Variants in SPEN observed in about 807,000 individuals in gnomAD.
SPEN encodes spen family transcriptional repressor, also known as msx2-interacting protein.
SPEN carries 18 observed loss-of-function variants against 269.9 expected under a neutral mutation model. That is an observed-to-expected ratio of 0.07 (90% CI 0.05 to 0.10). SPEN has a LOEUF of 0.10. Ranked by LOEUF, SPEN falls within the 10% of genes least tolerant of loss-of-function variation. The pLI, the probability that SPEN is intolerant of heterozygous loss-of-function variation, is 1.00. For synonymous variants in SPEN, 1,726 were observed against 1,765.7 expected, an observed-to-expected ratio of 0.98 and a Z score of 0.56; for missense variants, 3,822 against 4,631.2, an observed-to-expected ratio of 0.83 and a Z score of 5.07.
In SPEN at chr1:15,855,601, T is replaced by C. The variant is rs2070378580; in HGVS notation, c.83+7451T>C. ...GCAGCTGGGTGCGGTGGCTCATGCC[T>C]GTAATCCCAGCACTTTGGGAGGCTG... On this transcript the variant is annotated intron_variant, in intron 1 of 14. Coordinates refer to ENST00000375759, the MANE Select transcript of SPEN (RefSeq NM_015001.3). 2.0e-5 allele frequency among the ~76,000 whole-genome samples: 3 copies of C among 152,180 alleles called. No homozygotes were observed. The East Asian group carries it at 5.8e-4, about 29-fold the overall frequency.
rs1269904215 is a variant in SPEN, at chr1:15,931,158, C to T, written c.4918C>T (p.Pro1640Ser). The change falls in exon 11 of 15, where the codon CCA becomes TCA. Residue 1640 changes from proline to serine, a missense_variant. Coordinates refer to ENST00000375759, the MANE Select transcript of SPEN (RefSeq NM_015001.3). The surrounding 1 kb of genome is among the most constrained non-coding windows in gnomAD (Gnocchi z 4.8). ...ELKTPPSVGP[P>S]SVTVVTLESA... ...GAAAACTCCACCTTCCGTTGGGCCT[C>T]CAAGTGTCACAGTCGTAACTCTAGA... 2 of 1,614,212 alleles carry T rather than the reference C, an allele frequency of 1.2e-6. No individual in the cohort carries two copies. Among genetic ancestry groups the T allele is most frequent in the Admixed American group, 3.3e-5 (2 of 60,020 alleles).
At chr1:15,863,324 C>T (rs1308028996) in intron 1 of SPEN, among the ~76,000 whole-genome samples, 1 of 152,040 alleles carries the variant, frequency 6.6e-6, no homozygotes, top group Non-Finnish European at 1.5e-5. Flanking sequence ...ATGAAGCCTG[C>T]AATAGTTCTG....
intron 1 of SPEN, among the ~76,000 whole-genome samples, chr1:15,851,564 A>G (rs547487925): frequency 1.7e-4 from 26 of 152,328 alleles, no homozygotes; most frequent in African/African-American, 6.3e-4. Context: ...CCCTTAAAAT[A>G]TTTAACATCT....
At chr1:15,899,542 T>G (rs941886873) in intron 3 of SPEN, among the ~76,000 whole-genome samples, 23 of 147,152 alleles carry the variant, frequency 1.6e-4, no homozygotes, top group Admixed American at 2.7e-4. Context: ...GCAGAGTTTT[T>G]TTTTTTTTTT....
chr1:15,909,518 C>G (rs1383152837), intron 4 of SPEN, 37 bp downstream of exon 4: 40 of 1,583,730 alleles, frequency 2.5e-5, no homozygotes, highest in Non-Finnish European at 3.5e-5. Context: ...CTCTGTGCTA[C>G]TACTGAGGAA....
rs538010335 is a variant in SPEN, at chr1:15,848,880, C to G, written c.83+730C>G. Among the ~76,000 whole-genome samples, 4 of 152,156 alleles carry G rather than the reference C, an allele frequency of 2.6e-5. No individual in the cohort carries two copies. The highest frequency in any genetic ancestry group is 5.9e-5 in the Non-Finnish European group (4 of 68,032). On this transcript the variant is annotated intron_variant, in intron 1 of 14. Coordinates refer to ENST00000375759, the MANE Select transcript of SPEN (RefSeq NM_015001.3). This position sits in a 1 kb window ranked among gnomAD's most constrained non-coding sequence, Gnocchi z 5.1. ...GGTTGCTAGCCCCGGCGCCCGTAGC[C>G]TCGGGTCGCACTCCCAGGCCGCCCT...
intron 3 of SPEN, among the ~76,000 whole-genome samples, chr1:15,898,359 C>A (rs939590267): frequency 6.6e-6 from 1 of 151,936 alleles, no homozygotes; most frequent in Non-Finnish European, 1.5e-5. Flanking sequence ...TAAATAATAA[C>A]TCCCAATTCT....
chr1:15,902,356 C>T (rs143045828), intron 3 of SPEN, among the ~76,000 whole-genome samples: 1 of 152,266 alleles, frequency 6.6e-6, no homozygotes, highest in East Asian at 1.9e-4. Flanking sequence ...CACAGATACA[C>T]AGTTGAAATA....
intron 2 of SPEN, among the ~76,000 whole-genome samples, chr1:15,875,652 CCAAG>C (rs2070624108): frequency 6.6e-6 from 1 of 151,710 alleles, no homozygotes; most frequent in African/African-American, 2.4e-5. Flanking sequence ...TTATAACTAT[CCAAG>C]CAGTCAAAAC....
At chr1:15,871,035 C>T (rs761728036) in intron 1 of SPEN, among the ~76,000 whole-genome samples, 151 of 152,128 alleles carry the variant, frequency 9.9e-4, no homozygotes, top group Non-Finnish European at 1.8e-3. Context: ...GGGTGGATCT[C>T]GGCCCACTGC....
At chr1:15,885,412 T>C (rs2070727675) in intron 3 of SPEN, among the ~76,000 whole-genome samples, 1 of 152,242 alleles carries the variant, frequency 6.6e-6, no homozygotes, top group Admixed American at 6.5e-5. Flanking sequence ...AACTGTTACA[T>C]GAAGTTTCTT....
chr1:15,937,679 C>T lies in SPEN; in HGVS notation c.10509+34C>T, dbSNP rs750574214. The T allele has an allele frequency of 6.2e-7, 1 of 1,607,278 alleles. No individual in the cohort carries two copies. The highest frequency in any genetic ancestry group is 8.5e-7 in the Non-Finnish European group (1 of 1,175,130). ...GAGCAGGGGCTGCCCTTCCTGGCCC[C>T]CAAGTTTTATGCCATGTCAAATGTC... On this transcript the variant is annotated intron_variant, in intron 12 of 14. Coordinates refer to ENST00000375759, the MANE Select transcript of SPEN (RefSeq NM_015001.3). The surrounding 1 kb of genome is among the most constrained non-coding windows in gnomAD (Gnocchi z 5.7).
chr1:15,885,302 G>T (rs951957815), intron 3 of SPEN, among the ~76,000 whole-genome samples: 1 of 152,074 alleles, frequency 6.6e-6, no homozygotes, highest in East Asian at 1.9e-4. Context: ...GTTCTGCTTC[G>T]TTATTACTTT....
intron 3 of SPEN, among the ~76,000 whole-genome samples, chr1:15,888,417 AGGTTCAAGT>A (rs1357962352): frequency 6.6e-6 from 1 of 151,616 alleles, no homozygotes; most frequent in Non-Finnish European, 1.5e-5. Flanking sequence ...TCCACCTCCC[AGGTTCAAGT>A]GGTTCTCCTG....
chr1:15,932,728 CCCAGTTAGCCAA>C lies in SPEN; in HGVS notation c.6489_6500del (p.Leu2165_Gln2168del). On this transcript the variant is annotated inframe_deletion, in exon 11 of 15. Transcript: ENST00000375759. This position sits in a 1 kb window ranked among gnomAD's most constrained non-coding sequence, Gnocchi z 4.2. ...GCCTCTGGGCCGTCCCCAGAAGCCA[CCCAGTTAGCCAA>C]GCAGATGGAGCTGGAGCAGGCCGTG... 6.2e-7 allele frequency: 1 copy of C among 1,614,140 alleles called. No homozygotes were observed. The highest frequency in any genetic ancestry group is 8.5e-7 in the Non-Finnish European group (1 of 1,180,032).
intron 3 of SPEN, among the ~76,000 whole-genome samples, chr1:15,893,965 A>G (rs2070814395): frequency 6.6e-6 from 1 of 152,174 alleles, no homozygotes; most frequent in Non-Finnish European, 1.5e-5. Flanking sequence ...TGAACCCAGG[A>G]AATGGAGGTT....
chr1:15,866,690 A>ATT (rs1435115113), intron 1 of SPEN, among the ~76,000 whole-genome samples: 1 of 152,192 alleles, frequency 6.6e-6, no homozygotes, highest in Non-Finnish European at 1.5e-5. Flanking sequence ...TCATATATCC[A>ATT]TTATATATAT....
intron 10 of SPEN, among the ~76,000 whole-genome samples, chr1:15,926,701 T>TC (rs2071171014): frequency 6.6e-6 from 1 of 151,302 alleles, no homozygotes; most frequent in Non-Finnish European, 1.5e-5. Flanking sequence ...GTTCTTTTTT[T>TC]TTTTTTTTTG....
intron 7 of SPEN, 98 bp downstream of exon 7, chr1:15,919,149 C>T (rs1412295518): frequency 9.8e-7 from 1 of 1,025,576 alleles, no homozygotes; most frequent in Non-Finnish European, 1.4e-6. Context: ...TATTTAAGAT[C>T]CTACTAAGAC....
Sources: gnomAD v4.1 joint callset for allele counts (sites outside exome capture counted in the v4.1 genomes callset) on GRCh38, gnomAD v4.1.1 for gene constraint, Gnocchi (gnomAD v3.1) non-coding constraint, MANE v1.5 for transcripts, NCBI Gene and HGNC (gene_info 2026-07-23, HGNC 2026-07-21) for gene names.